ANKRD30BL: variants seen among roughly 807,000 people sequenced by gnomAD.
The protein encoded by ANKRD30BL is ankyrin repeat domain 30B like, also known as putative ankyrin repeat domain-containing protein 30B-like.
In ANKRD30BL, 20 loss-of-function variants were observed where a neutral mutation model predicts 18.4. The observed-to-expected ratio is 1.09, with a 90% CI of 0.77 to 1.58. The LOEUF is 1.58. Ranked by LOEUF, ANKRD30BL falls within the 40% of genes most tolerant of loss-of-function variation. ANKRD30BL has a pLI of 0.00. For missense variants in ANKRD30BL, 224 were observed against 268.6 expected, an observed-to-expected ratio of 0.83 and a Z score of 1.16; for synonymous variants, 72 against 100.9, an observed-to-expected ratio of 0.71 and a Z score of 1.72.
intron 1 of ANKRD30BL, among the ~76,000 whole-genome samples, chr2:132,208,957 G>A (rs1558933245): frequency 6.6e-6 from 1 of 152,074 alleles, no homozygotes; most frequent in East Asian, 1.9e-4. Flanking sequence ...TGTAGTGTCT[G>A]CAAGTGGATA....
chr2:132,254,292 G>C (rs75411580), intron 1 of ANKRD30BL, among the ~76,000 whole-genome samples: 1 of 152,176 alleles, frequency 6.6e-6, no homozygotes, highest in Non-Finnish European at 1.5e-5. Flanking sequence ...AGGGGAACAC[G>C]GTCAGCCAAG....
At chr2:132,171,109 C>A (rs1334321184) in intron 1 of ANKRD30BL, among the ~76,000 whole-genome samples, 1 of 149,454 alleles carries the variant, frequency 6.7e-6, no homozygotes, top group Admixed American at 6.7e-5. Flanking sequence ...GAGCCGAGAT[C>A]GCACCACTGT....
chr2:132,178,708 T>C (rs1257026851), intron 1 of ANKRD30BL, among the ~76,000 whole-genome samples: 1 of 152,132 alleles, frequency 6.6e-6, no homozygotes, highest in Non-Finnish European at 1.5e-5. Flanking sequence ...GTAGAAAATA[T>C]TTTAAGAAAT....
intron 1 of ANKRD30BL, among the ~76,000 whole-genome samples, chr2:132,199,585 C>T (rs1425534169): frequency 5.3e-5 from 8 of 151,410 alleles, no homozygotes; most frequent in Non-Finnish European, 4.4e-5. Flanking sequence ...CGGCTCACTT[C>T]AACCTCCACC....
rs922917537 is a variant in ANKRD30BL at position 132,161,902 on chromosome 2, G to A, written c.-197C>T. 2.8e-4 allele frequency: 162 copies of A among 580,276 alleles called. No individual in the cohort carries two copies. Among genetic ancestry groups the A allele is most frequent in the Non-Finnish European group, 4.5e-4 (144 of 322,876 alleles). The allele number at this position is 580,276 out of a possible 1,614,324, so 35.9% of individuals were successfully genotyped here. A position where few individuals can be genotyped will look rare whatever the true frequency, so the allele number is the denominator to read the frequency against. ...CGCAAAACCGTTAGGCAGCTGAGCA[G>A]AACCGTTAGGCACCTGAGCAGAACC... On this transcript the variant is annotated 5_prime_UTR_variant, in exon 1 of 6. Transcript: ENST00000409867.
At chr2:132,200,813 C>T (rs907694116) in intron 1 of ANKRD30BL, among the ~76,000 whole-genome samples, 1 of 152,016 alleles carries the variant, frequency 6.6e-6, no homozygotes, top group African/African-American at 2.4e-5. Context: ...TCATATGGAA[C>T]CAAAAAAGAG....
At chr2:132,186,283 T>C (rs1333424074) in intron 1 of ANKRD30BL, among the ~76,000 whole-genome samples, 1 of 152,188 alleles carries the variant, frequency 6.6e-6, no homozygotes, top group East Asian at 1.9e-4. Context: ...GTAACTAGAA[T>C]TGTTAATTTC....
intron 1 of ANKRD30BL, among the ~76,000 whole-genome samples, chr2:132,233,180 A>G (rs1314062737): frequency 1.3e-4 from 20 of 151,940 alleles, no homozygotes; most frequent in African/African-American, 4.1e-4. Context: ...GAGCTCCTGA[A>G]GGAAGCACTA....
intron 1 of ANKRD30BL, among the ~76,000 whole-genome samples, chr2:132,199,666 A>G (rs891902794): frequency 1.3e-5 from 2 of 151,786 alleles, no homozygotes; most frequent in African/African-American, 4.8e-5. Flanking sequence ...ACCACCACAG[A>G]CGGTTAATTT....
chr2:132,187,188 G>GTT (rs1193358076), intron 1 of ANKRD30BL, among the ~76,000 whole-genome samples: 2,287 of 90,426 alleles, frequency 0.025, 93 homozygotes, highest in African/African-American at 0.075. Flanking sequence ...TTTTTTGTTT[G>GTT]TTTTTTTTTT....
At chr2:132,196,529 T>A (rs1678972937) in intron 1 of ANKRD30BL, among the ~76,000 whole-genome samples, 1 of 152,134 alleles carries the variant, frequency 6.6e-6, no homozygotes, top group African/African-American at 2.4e-5. Flanking sequence ...GGCTCACATC[T>A]GTAATCCCAG....
chr2:132,171,598 CA>C, intron 1 of ANKRD30BL, among the ~76,000 whole-genome samples: 1 of 152,188 alleles, frequency 6.6e-6, no homozygotes, highest in East Asian at 1.9e-4. Flanking sequence ...TGCATTATAT[CA>C]CATTTCCAAT....
chr2:132,205,113 T>G (rs1679184820), intron 1 of ANKRD30BL, among the ~76,000 whole-genome samples: 1 of 152,188 alleles, frequency 6.6e-6, no homozygotes, highest in Non-Finnish European at 1.5e-5. Flanking sequence ...GATCATTTAC[T>G]GGAGTCTTTT....
At chr2:132,157,882 A>G (rs1213375263) in intron 1 of ANKRD30BL, among the ~76,000 whole-genome samples, 1 of 152,218 alleles carries the variant, frequency 6.6e-6, no homozygotes, top group Non-Finnish European at 1.5e-5. Flanking sequence ...CAAAGAAAAC[A>G]TTTTAAGTAA....
intron 1 of ANKRD30BL, among the ~76,000 whole-genome samples, chr2:132,222,342 C>A (rs1017948030): frequency 3.3e-5 from 5 of 151,974 alleles, no homozygotes; most frequent in Admixed American, 6.5e-5. Context: ...GTGTGCCCAG[C>A]GGCTCACTGG....
chr2:132,156,179 T>A, intron 3 of ANKRD30BL: 1 of 148,754 alleles, frequency 6.7e-6, no homozygotes, highest in East Asian at 2.1e-4. Context: ...GAGAAAGATA[T>A]AATATTTTTT....
intron 1 of ANKRD30BL, among the ~76,000 whole-genome samples, chr2:132,190,342 T>G (rs1483161706): frequency 6.6e-6 from 1 of 151,734 alleles, no homozygotes; most frequent in Non-Finnish European, 1.5e-5. Context: ...ACTAGTTACT[T>G]CTGCTTCGAG....
At chr2:132,165,558 C>CAAA (rs71001174), upstream of ANKRD30BL, among the ~76,000 whole-genome samples, 42,652 of 134,622 alleles carry the variant, frequency 0.32, 6,552 homozygotes, top group Admixed American at 0.37. Context: ...TAGTAAAATA[C>CAAA]AAAAAAAAAA....
At chr2:132,257,136 C>A in intron 1 of ANKRD30BL, 1 of 464,042 alleles carries the variant, frequency 2.2e-6, no homozygotes, top group East Asian at 6.6e-5. Context: ...GAGGTGACCT[C>A]AGCCACAAAC....
Sources: gnomAD v4.1 joint callset for allele counts (sites outside exome capture counted in the v4.1 genomes callset) on GRCh38, gnomAD v4.1.1 for gene constraint, MANE v1.5 for transcripts, NCBI Gene and HGNC (gene_info 2026-07-23, HGNC 2026-07-21) for gene names.